Variants in NR3C2 observed in about 807,000 individuals in gnomAD.
The protein encoded by NR3C2 is nuclear receptor subfamily 3 group C member 2.
A neutral mutation model predicts 86.4 loss-of-function variants in NR3C2; 15 were observed. That is an observed-to-expected ratio of 0.17 (90% confidence interval 0.12 to 0.27). The LOEUF is 0.27. NR3C2 is among the 10% of genes least tolerant of loss of function. The pLI, the probability that NR3C2 is intolerant of heterozygous loss-of-function variation, is 1.00. For synonymous variants in NR3C2, 458 were observed against 450.5 expected, an observed-to-expected ratio of 1.02 and a Z score of -0.21; for missense variants, 960 against 1,195.6, an observed-to-expected ratio of 0.80 and a Z score of 2.91.
At chr4:148,341,000 G>A (rs918165912) in intron 2 of NR3C2, among the ~76,000 whole-genome samples, 7 of 152,106 alleles carry the variant, frequency 4.6e-5, no homozygotes, top group African/African-American at 1.2e-4. Flanking sequence ...GAAGAGAAAC[G>A]GGAACACTTG....
intron 2 of NR3C2, among the ~76,000 whole-genome samples, chr4:148,349,993 C>T (rs1477719192): frequency 1.3e-5 from 2 of 151,970 alleles, no homozygotes; most frequent in African/African-American, 2.4e-5. Flanking sequence ...CAGAGTAAAC[C>T]AAATACAATA....
chr4:148,155,346 T>A (rs1358685005), intron 4 of NR3C2, among the ~76,000 whole-genome samples: 1 of 152,096 alleles, frequency 6.6e-6, no homozygotes, highest in Non-Finnish European at 1.5e-5. Flanking sequence ...GACGACATGA[T>A]TGTATATCTA....
intron 2 of NR3C2, among the ~76,000 whole-genome samples, chr4:148,266,229 C>A (rs1452544793): frequency 6.6e-6 from 1 of 152,062 alleles, no homozygotes; most frequent in African/African-American, 2.4e-5. Context: ...TGCGCCACCA[C>A]GCCCAGCTAA....
At chr4:148,425,624 A>G (rs1475526308) in intron 2 of NR3C2, among the ~76,000 whole-genome samples, 1 of 152,222 alleles carries the variant, frequency 6.6e-6, no homozygotes, top group Non-Finnish European at 1.5e-5. Flanking sequence ...TACTAAATAT[A>G]GCAATCAGGG....
At chr4:148,341,640 G>A (rs564410731) in intron 2 of NR3C2, among the ~76,000 whole-genome samples, 1 of 152,024 alleles carries the variant, frequency 6.6e-6, no homozygotes, top group Admixed American at 6.6e-5. Flanking sequence ...GAATGTTTGG[G>A]GTAATAAATG....
At chr4:148,289,328 T>G (rs1490565562) in intron 2 of NR3C2, among the ~76,000 whole-genome samples, 1 of 151,438 alleles carries the variant, frequency 6.6e-6, no homozygotes, top group Admixed American at 6.6e-5. Flanking sequence ...CTCTGAAATC[T>G]TAGTGATAAG....
At chr4:148,255,268 C>A (rs1739776619) in intron 3 of NR3C2, among the ~76,000 whole-genome samples, 1 of 152,296 alleles carries the variant, frequency 6.6e-6, no homozygotes, top group South Asian at 2.1e-4. Context: ...TAAACCACTA[C>A]ATTTCCTTAA....
chr4:148,186,197 C>T (rs1296635999), intron 4 of NR3C2, among the ~76,000 whole-genome samples: 1 of 152,060 alleles, frequency 6.6e-6, no homozygotes, highest in Non-Finnish European at 1.5e-5. Flanking sequence ...TTTTAATTTG[C>T]ATTTCTATTA....
intron 8 of NR3C2, among the ~76,000 whole-genome samples, chr4:148,085,313 C>T (rs1284450942): frequency 6.6e-6 from 1 of 152,164 alleles, no homozygotes; most frequent in Non-Finnish European, 1.5e-5. Flanking sequence ...ACAGTGCCAT[C>T]GAATTAGAAC....
chr4:148,408,918 A>G (rs1748554738), intron 2 of NR3C2, among the ~76,000 whole-genome samples: 1 of 152,152 alleles, frequency 6.6e-6, no homozygotes, highest in Non-Finnish European at 1.5e-5. Flanking sequence ...CTGTATCTTG[A>G]AAGTTATTAG....
Position 148,431,804 on chromosome 4 carries a change from T to C in NR3C2, c.1757+3300A>G, listed in dbSNP as rs928793688. ...TATTCAGTAACACTAATACAAATAA[T>C]GTAATGTCTTCTTTCTTCATTAACC... is the stretch of plus-strand genomic sequence containing the variant. On this transcript the variant is annotated intron_variant, in intron 2 of 8. Transcript: ENST00000358102. Among the ~76,000 whole-genome samples, 11 of 152,154 alleles carry C rather than the reference T, an allele frequency of 7.2e-5. No homozygotes were observed. The South Asian group carries it at 1.0e-3, about 14-fold the overall frequency.
intron 2 of NR3C2, among the ~76,000 whole-genome samples, chr4:148,423,621 T>C (rs1209150227): frequency 3.3e-5 from 5 of 152,318 alleles, no homozygotes; most frequent in African/African-American, 1.2e-4. Context: ...GGGAATACAG[T>C]GGGGACATTT....
intron 2 of NR3C2, among the ~76,000 whole-genome samples, chr4:148,310,658 C>T (rs1467148491): frequency 6.6e-6 from 1 of 152,146 alleles, no homozygotes; most frequent in African/African-American, 2.4e-5. Context: ...AAATCAGCTC[C>T]CCACATTCTC....
chr4:148,258,433 T>G (rs1170378482), intron 3 of NR3C2, among the ~76,000 whole-genome samples: 1 of 152,192 alleles, frequency 6.6e-6, no homozygotes, highest in Non-Finnish European at 1.5e-5. Context: ...AAATTGGCCT[T>G]CTGGTAACAG....
chr4:148,232,259 ATT>A (rs1475486655), intron 3 of NR3C2, among the ~76,000 whole-genome samples: 1 of 152,206 alleles, frequency 6.6e-6, no homozygotes, highest in Non-Finnish European at 1.5e-5. Flanking sequence ...TATAAAATGT[ATT>A]TCTTAAATAA....
chr4:148,189,578 G>A (rs913010006), intron 4 of NR3C2, among the ~76,000 whole-genome samples: 8 of 152,116 alleles, frequency 5.3e-5, no homozygotes, highest in African/African-American at 1.7e-4. Flanking sequence ...TCTGTCTTGT[G>A]GAATAGTGTC....
At chr4:148,436,969 T>A (rs1750113246) in intron 1 of NR3C2, 107 bp from the exon 2 acceptor site, 1 of 871,792 alleles carries the variant, frequency 1.1e-6, no homozygotes, top group African/African-American at 1.7e-5. Context: ...TTCTACTTAT[T>A]ATGAGCAACA....
chr4:148,120,171 C>A lies in NR3C2; in HGVS notation c.2628G>T (p.Leu876=), dbSNP rs1245383118. 6.2e-7 allele frequency: 1 copy of A among 1,614,024 alleles called. No individual in the cohort carries two copies. Among genetic ancestry groups the A allele is most frequent in the Non-Finnish European group, 8.5e-7 (1 of 1,179,998 alleles). The change falls in exon 7 of 9, where the codon CTG becomes CTT. Residue 876 remains leucine, a synonymous_variant. Coordinates refer to ENST00000358102, the MANE Select transcript of NR3C2 (RefSeq NM_000901.5). ...GCATCAATTTACTTGTGCTTAGTAG[C>A]AGCAAAACTTTCATGATGGTGTATT... is the stretch of plus-strand genomic sequence containing the variant. The part of the protein sequence containing the change: ...FEEYTIMKVL[L]LLSTIPKDGL...
intron 4 of NR3C2, among the ~76,000 whole-genome samples, chr4:148,162,731 G>A (rs754755828): frequency 6.6e-6 from 1 of 152,176 alleles, no homozygotes; most frequent in Non-Finnish European, 1.5e-5. Flanking sequence ...CTCTTAGGAA[G>A]AGCTGCAGCA....
Sources: gnomAD v4.1 joint callset for allele counts (sites outside exome capture counted in the v4.1 genomes callset) on GRCh38, gnomAD v4.1.1 for gene constraint, MANE v1.5 for transcripts, NCBI Gene and HGNC (gene_info 2026-07-23, HGNC 2026-07-21) for gene names.